Variants in FGF12 observed in about 807,000 individuals in gnomAD.
FGF12 encodes fibroblast growth factor 12B.
A neutral mutation model predicts 23.6 loss-of-function variants in FGF12; 14 were observed. That is an observed-to-expected ratio of 0.59 (90% CI 0.39 to 0.93). FGF12 has a LOEUF of 0.93. FGF12 is among the 40% of genes least tolerant of loss of function. The pLI is 0.00. For missense variants in FGF12, 175 were observed against 217.8 expected (o/e 0.80, Z 1.24); for synonymous variants, 62 against 77.3 (o/e 0.80, Z 1.04).
intron 2 of FGF12, among the ~76,000 whole-genome samples, chr3:192,590,380 A>C (rs1713566815): frequency 2.0e-5 from 3 of 152,016 alleles, no homozygotes; most frequent in Admixed American, 1.3e-4. Flanking sequence ...TTCTCAGGAA[A>C]TTAAATTCCT....
chr3:192,552,290 A>G (rs1163071593), intron 2 of FGF12, among the ~76,000 whole-genome samples: 1 of 152,108 alleles, frequency 6.6e-6, no homozygotes, highest in Non-Finnish European at 1.5e-5. Flanking sequence ...AAATTCAACT[A>G]TTTGTGAAAA....
chr3:192,463,174 TTTGTGGGGCTG>T (rs1195827700), intron 2 of FGF12, among the ~76,000 whole-genome samples: 1 of 152,156 alleles, frequency 6.6e-6, no homozygotes, highest in African/African-American at 2.4e-5. Context: ...ATCCCAGCAC[TTTGTGGGGCTG>T]AGGCAGGTGG....
chr3:192,430,436 T>A (rs190738921), intron 2 of FGF12, among the ~76,000 whole-genome samples: 1 of 152,176 alleles, frequency 6.6e-6, no homozygotes, highest in Non-Finnish European at 1.5e-5. Flanking sequence ...TGGAGATCCA[T>A]TGCACAGCGG....
intron 5 of FGF12, among the ~76,000 whole-genome samples, chr3:192,154,754 C>G (rs1013874115): frequency 2.8e-5 from 4 of 145,206 alleles, no homozygotes; most frequent in African/African-American, 1.0e-4. Flanking sequence ...GCAGAGGTTA[C>G]TGCTGTCTTT....
intron 4 of FGF12, among the ~76,000 whole-genome samples, chr3:192,182,179 C>T (rs1460527456): frequency 6.6e-6 from 1 of 151,950 alleles, no homozygotes; most frequent in Non-Finnish European, 1.5e-5. Flanking sequence ...GAAGCTTACA[C>T]AAGCTGGTAA....
intron 4 of FGF12, among the ~76,000 whole-genome samples, chr3:192,211,176 G>A (rs181039724): frequency 6.6e-6 from 1 of 152,242 alleles, no homozygotes; most frequent in Non-Finnish European, 1.5e-5. Context: ...GGTGAGAAAT[G>A]GTCAGATTAT....
At chr3:192,440,850 T>C (rs1388072230) in intron 2 of FGF12, among the ~76,000 whole-genome samples, 3 of 152,232 alleles carry the variant, frequency 2.0e-5, no homozygotes, top group Admixed American at 1.3e-4. Flanking sequence ...CCATCATATA[T>C]ACCAATCTGG....
At chr3:192,151,158 A>G (rs1278997569) in intron 5 of FGF12, among the ~76,000 whole-genome samples, 62 of 127,754 alleles carry the variant, frequency 4.9e-4, no homozygotes, top group African/African-American at 1.8e-3. Context: ...ATTTTTGTAC[A>G]TTGATTTTGT....
intron 4 of FGF12, among the ~76,000 whole-genome samples, chr3:192,291,306 C>G (rs1029360684): frequency 2.0e-5 from 3 of 152,058 alleles, no homozygotes; most frequent in African/African-American, 7.2e-5. Flanking sequence ...ACAGGCCAGG[C>G]ATGGTGGCTT....
intron 2 of FGF12, among the ~76,000 whole-genome samples, chr3:192,478,969 T>A (rs2108817964): frequency 6.6e-6 from 1 of 152,278 alleles, no homozygotes; most frequent in South Asian, 2.1e-4. Flanking sequence ...CAGACATCAC[T>A]AAGGCAAAAT....
chr3:192,622,706 A>C (rs2108648996), intron 2 of FGF12, among the ~76,000 whole-genome samples: 1 of 152,348 alleles, frequency 6.6e-6, no homozygotes, highest in South Asian at 2.1e-4. Flanking sequence ...GCATTTCATA[A>C]ACTGTGAAAC....
At chr3:192,500,447 C>CT (rs1724102991) in intron 2 of FGF12, among the ~76,000 whole-genome samples, 1 of 152,100 alleles carries the variant, frequency 6.6e-6, no homozygotes, top group African/African-American at 2.4e-5. Context: ...TCCCCCCACC[C>CT]GCCACACACA....
intron 2 of FGF12, among the ~76,000 whole-genome samples, chr3:192,538,906 C>T (rs757434358): frequency 6.6e-6 from 1 of 151,980 alleles, no homozygotes; most frequent in African/African-American, 2.4e-5. Context: ...GTAGTTATTG[C>T]AAACGGGATT....
chr3:192,673,698 C>T (rs995156421), intron 2 of FGF12, among the ~76,000 whole-genome samples: 8 of 151,266 alleles, frequency 5.3e-5, no homozygotes, highest in Middle Eastern at 3.4e-3. Context: ...TTCATCCATG[C>T]CCCTGCAAAG....
At chr3:192,575,536 G>A (rs1403913258) in intron 2 of FGF12, among the ~76,000 whole-genome samples, 3 of 152,132 alleles carry the variant, frequency 2.0e-5, no homozygotes, top group African/African-American at 7.2e-5. Context: ...AGGAAGAGGA[G>A]GAGGAGGAGG....
intron 4 of FGF12, among the ~76,000 whole-genome samples, chr3:192,331,311 CAAAAAAA>C (rs201997868): frequency 1.0e-5 from 1 of 95,976 alleles, no homozygotes; most frequent in Admixed American, 1.2e-4. Flanking sequence ...GGAGTTTTCT[CAAAAAAA>C]AAAAAAAAAA....
intron 5 of FGF12, among the ~76,000 whole-genome samples, chr3:192,154,867 G>C (rs1714282093): frequency 7.0e-6 from 1 of 142,004 alleles, no homozygotes; most frequent in Non-Finnish European, 1.6e-5. Flanking sequence ...CGGCTGCTTT[G>C]TTTACCTAAA....
chr3:192,228,034 A>G (rs1718829636), intron 4 of FGF12, among the ~76,000 whole-genome samples: 2 of 152,168 alleles, frequency 1.3e-5, no homozygotes. Flanking sequence ...GTCAAAGCCA[A>G]CAAAGTTTTG....
chr3:192,292,165 A>T (rs1301653615), intron 4 of FGF12, among the ~76,000 whole-genome samples: 1 of 152,188 alleles, frequency 6.6e-6, no homozygotes, highest in Admixed American at 6.6e-5. Flanking sequence ...AGCGTGTTAT[A>T]AGCGACTTTC....
Sources: gnomAD v4.1 joint callset for allele counts (sites outside exome capture counted in the v4.1 genomes callset) on GRCh38, gnomAD v4.1.1 for gene constraint, MANE v1.5 for transcripts, NCBI Gene and HGNC (gene_info 2026-07-23, HGNC 2026-07-21) for gene names.